The following SRPRB variants were observed in gnomAD, a reference collection of about 807,000 sequenced individuals.
SRPRB encodes the protein SRP receptor subunit beta, also known as signal recognition particle receptor subunit beta.
In SRPRB, 20 loss-of-function variants were observed where a neutral mutation model predicts 31.9. The ratio of observed to expected loss-of-function variants is 0.63; its 90% confidence interval spans 0.44 to 0.91. The LOEUF is 0.91. Among genes scored for constraint, SRPRB ranks in the 40% least tolerant of loss-of-function variants. The probability of loss-of-function intolerance (pLI) is 0.00; values close to 1 mark genes in which losing one functional copy is unlikely to be tolerated. For synonymous variants in SRPRB, 146 were observed against 132.8 expected, an observed-to-expected ratio of 1.10 and a Z score of -0.68; for missense variants, 321 against 324.9, an observed-to-expected ratio of 0.99 and a Z score of 0.09.
chr3:133,815,228 T>A (rs1935345584), intron 4 of SRPRB, among the ~76,000 whole-genome samples: 1 of 152,234 alleles, frequency 6.6e-6, no homozygotes, highest in African/African-American at 2.4e-5. Context: ...TGTTACATTC[T>A]CCTTAAAGTT....
intron 1 of SRPRB, among the ~76,000 whole-genome samples, chr3:133,799,731 G>A (rs1476810733): frequency 6.6e-6 from 1 of 152,212 alleles, no homozygotes; most frequent in South Asian, 2.1e-4. Context: ...AAAGGTCCCA[G>A]CTAGATTCTG....
chr3:133,793,584 A>G (rs1284808665), intron 1 of SRPRB: 1 of 152,210 alleles, frequency 6.6e-6, no homozygotes, highest in Non-Finnish European at 1.5e-5. Flanking sequence ...CTAAAATTCC[A>G]ATATGTCTGA....
chr3:133,813,339 G>A (rs1222623433), intron 4 of SRPRB, among the ~76,000 whole-genome samples: 3 of 152,066 alleles, frequency 2.0e-5, no homozygotes, highest in Admixed American at 1.3e-4. Flanking sequence ...TCACACTCTG[G>A]AATTCTTATG....
upstream of SRPRB, among the ~76,000 whole-genome samples, chr3:133,805,436 C>T (rs1935131811): frequency 6.6e-6 from 1 of 152,252 alleles, no homozygotes; most frequent in African/African-American, 2.4e-5. Context: ...CCATCTGTCA[C>T]ATCCCTTGTC....
At chr3:133,793,672 GT>G (rs2107956646) in intron 1 of SRPRB, 1 of 152,148 alleles carries the variant, frequency 6.6e-6, no homozygotes, top group South Asian at 2.1e-4. Flanking sequence ...TGTCAATTGT[GT>G]TTTTAACTAT....
chr3:133,805,743 G>A, upstream of SRPRB: 2 of 1,443,690 alleles, frequency 1.4e-6, no homozygotes, highest in South Asian at 1.4e-5. Flanking sequence ...CTGAGGGAGA[G>A]ACTATGGCTT....
At chr3:133,827,897 T>G (rs935609994), downstream of SRPRB, 1 of 702,926 alleles carries the variant, frequency 1.4e-6, no homozygotes, top group Non-Finnish European at 2.6e-6. Context: ...TACTGACTGC[T>G]GGGTGGGCTG....
intron 4 of SRPRB, among the ~76,000 whole-genome samples, chr3:133,814,505 C>T (rs1052681741): frequency 2.0e-5 from 3 of 151,964 alleles, no homozygotes; most frequent in Admixed American, 2.0e-4. Flanking sequence ...GTGGCATGAT[C>T]TCAGTTCACT....
At chr3:133,798,891 T>C (rs1420804626) in intron 1 of SRPRB, among the ~76,000 whole-genome samples, 1 of 152,008 alleles carries the variant, frequency 6.6e-6, no homozygotes, top group Non-Finnish European at 1.5e-5. Context: ...TTTAAAAACA[T>C]TAAAAAAGAG....
chr3:133,812,501 T>C (rs1935283320), intron 4 of SRPRB, among the ~76,000 whole-genome samples: 5 of 152,234 alleles, frequency 3.3e-5, no homozygotes, highest in Non-Finnish European at 7.3e-5. Flanking sequence ...ACATGCAAAA[T>C]ATGAAGATAA....
chr3:133,816,120 G>A (rs540867384), intron 5 of SRPRB, among the ~76,000 whole-genome samples: 1 of 152,314 alleles, frequency 6.6e-6, no homozygotes, highest in South Asian at 2.1e-4. Flanking sequence ...GTTTGCTGAA[G>A]TTGTTTTCTT....
intron 4 of SRPRB, among the ~76,000 whole-genome samples, chr3:133,813,507 G>C (rs144177435): frequency 2.5e-4 from 38 of 152,090 alleles, no homozygotes; most frequent in African/African-American, 9.2e-4. Flanking sequence ...CTTTTCCATT[G>C]ATTTATTAAT....
chr3:133,784,385 A>G (rs1934596871), intron 1 of SRPRB: 1 of 151,912 alleles, frequency 6.6e-6, no homozygotes, highest in Admixed American at 6.6e-5. Context: ...AACATTTGCT[A>G]CATCGAGCCG....
In SRPRB at chr3:133,819,653, T is replaced by C. The variant is rs200881946; in HGVS notation, c.703T>C (p.Ser235Pro). Residue 235 changes from serine to proline, a missense_variant, in exon 7 of 7, where the codon TCA becomes CCA. Transcript: ENST00000678299. Reference sequence around the variant, plus strand: ...GAAGAAAGGCAAAGAGTTTGAATTCTCACAGTTGCCCCTCAAAGTGGAGTT... The same window carrying C: ...GAAGAAAGGCAAAGAGTTTGAATTCCCACAGTTGCCCCTCAAAGTGGAGTT... ...LGKKGKEFEFSQLPLKVEFLE... is the reference protein window; with the variant it reads ...LGKKGKEFEFPQLPLKVEFLE... The C allele has an allele frequency of 1.7e-4, 275 of 1,614,076 alleles. No homozygotes were observed. The highest frequency in any genetic ancestry group is 8.2e-4 in the Middle Eastern group (5 of 6,084).
intron 5 of SRPRB, among the ~76,000 whole-genome samples, chr3:133,816,231 G>A (rs181651948): frequency 6.6e-6 from 1 of 152,246 alleles, no homozygotes; most frequent in African/African-American, 2.4e-5. Context: ...ATCTCTTCAG[G>A]TCTCTTCCAG....
chr3:133,799,311 T>C (rs990948733), intron 1 of SRPRB, among the ~76,000 whole-genome samples: 6 of 152,208 alleles, frequency 3.9e-5, no homozygotes, highest in African/African-American at 1.4e-4. Flanking sequence ...ACCACAGTGA[T>C]TTAGGATATA....
chr3:133,803,671 T>C (rs1397791749), upstream of SRPRB, among the ~76,000 whole-genome samples: 1 of 151,740 alleles, frequency 6.6e-6, no homozygotes, highest in East Asian at 2.0e-4. Flanking sequence ...TTTTTTTTTT[T>C]TCCTTTTTTT....
chr3:133,807,032 C>T (rs923161311), intron 2 of SRPRB, among the ~76,000 whole-genome samples: 7 of 152,106 alleles, frequency 4.6e-5, no homozygotes, highest in African/African-American at 1.7e-4. Context: ...CCTTCGTTAA[C>T]AAATTCTTAG....
intron 2 of SRPRB, 22 bp downstream of exon 2, chr3:133,806,725 C>G: frequency 6.4e-7 from 1 of 1,571,732 alleles, no homozygotes; most frequent in East Asian, 2.2e-5. Flanking sequence ...CATTGACACC[C>G]CTGTTAAGCT....
Sources: gnomAD v4.1 joint callset for allele counts (sites outside exome capture counted in the v4.1 genomes callset) on GRCh38, gnomAD v4.1.1 for gene constraint, MANE v1.5 for transcripts, NCBI Gene and HGNC (gene_info 2026-07-23, HGNC 2026-07-21) for gene names.